The following NF1 variants were observed in gnomAD, a reference collection of about 807,000 sequenced individuals.
NF1 encodes the protein neurofibromin.
In NF1, 122 loss-of-function variants were observed where a neutral mutation model predicts 325.7. The ratio of observed to expected loss-of-function variants is 0.37; its 90% CI spans 0.32 to 0.44. The LOEUF is 0.44. Ranked by LOEUF, NF1 falls within the 20% of genes least tolerant of loss-of-function variation. The pLI, the probability that NF1 is intolerant of heterozygous loss-of-function variation, is 1.00. For missense variants in NF1, 2,140 were observed against 3,415.4 expected, an observed-to-expected ratio of 0.63 and a Z score of 9.31; for synonymous variants, 1,091 against 1,186.0, an observed-to-expected ratio of 0.92 and a Z score of 1.65.
rs1441261090 is a variant in NF1, at chr17:31,252,060, G to C, written c.4111-878G>C. 3.8e-5 allele frequency: 8 copies of C among 208,800 alleles called. No individual in the cohort carries two copies. The East Asian group carries it at 5.7e-4, about 15-fold the overall frequency. The allele number at this position is 208,800 out of a possible 1,614,324, so 12.9% of individuals were successfully genotyped here. On this transcript the variant is annotated intron_variant, in intron 30 of 57. Coordinates refer to ENST00000358273, the MANE Select transcript of NF1 (RefSeq NM_001042492.3). ...AATTTTGAAAGAAATCTTTGGTCTA[G>C]AAAGAGCTCTGAGAGATGAAACCAA... is the stretch of plus-strand genomic sequence containing the variant.
intron 36 of NF1, among the ~76,000 whole-genome samples, chr17:31,269,288 T>C: frequency 6.6e-6 from 1 of 152,206 alleles, no homozygotes; most frequent in East Asian, 1.9e-4. Flanking sequence ...TTTGGCCTAA[T>C]GTACTTTTCT....
At chr17:31,192,223 G>A (rs1035415655) in intron 8 of NF1, among the ~76,000 whole-genome samples, 30 of 152,308 alleles carry the variant, frequency 2.0e-4, no homozygotes, top group African/African-American at 7.2e-4. Flanking sequence ...GATTTATTCT[G>A]AACCAAATAC....
chr17:31,233,849 C>T (rs2067155695), intron 27 of NF1, among the ~76,000 whole-genome samples: 2 of 152,294 alleles, frequency 1.3e-5, no homozygotes, highest in South Asian at 2.1e-4. Flanking sequence ...ATAAGGTAAT[C>T]TGTCCTTGTT....
chr17:31,269,844 T>G (rs1011834680), intron 36 of NF1, among the ~76,000 whole-genome samples: 2 of 152,166 alleles, frequency 1.3e-5, no homozygotes, highest in African/African-American at 4.8e-5. Flanking sequence ...CCTAAGGCAG[T>G]CACTATGGCA....
Position 31,374,072 on chromosome 17 carries a change from A to T in NF1, c.8437A>T (p.Thr2813Ser), listed in dbSNP as rs1597883075. The T allele has an allele frequency of 6.2e-7, 1 of 1,614,084 alleles. No individual in the cohort carries two copies. The highest frequency in any genetic ancestry group is 1.3e-5 in the African/African-American group (1 of 75,050). ...PTTGHCNSGR[T>S]RHGSASQVQK... is the part of the protein sequence containing the mutation. The stretch of plus-strand genomic sequence containing the variant: ...CACTGGCCACTGTAACAGTGGACGA[A>T]CTCGCCACGGATCCGCAAGCCAAGT... The change falls in exon 58 of 58, where the codon ACT becomes TCT. Residue 2813 changes from threonine (T) to serine (S), a missense_variant. By Grantham distance (58) the Thr-to-Ser change is moderately conservative (BLOSUM62 1). Transcript: ENST00000358273.
At chr17:31,287,642 A>G (rs1433194233) in intron 36 of NF1, among the ~76,000 whole-genome samples, 1 of 151,644 alleles carries the variant, frequency 6.6e-6, no homozygotes, top group Non-Finnish European at 1.5e-5. Context: ...TCACTGCAAC[A>G]TCCGCCTCCT....
intron 29 of NF1, among the ~76,000 whole-genome samples, chr17:31,237,316 C>T (rs1250383665): frequency 6.6e-6 from 1 of 151,996 alleles, no homozygotes; most frequent in African/African-American, 2.4e-5. Flanking sequence ...ACTCTGTCAC[C>T]CAGGCTGGAG....
rs1567616150 is a variant in NF1, at chr17:31,335,286, A to AAT, written c.6006+255_6006+256insAT. On this transcript the variant is annotated intron_variant, in intron 40 of 57. Coordinates refer to ENST00000358273, the MANE Select transcript of NF1 (RefSeq NM_001042492.3). The stretch of plus-strand genomic sequence containing the variant: ...CTTCAAGGCATAATTATATATATAT[A>AAT]TATATATATAATTATGCCTTGAAGG... Among the ~76,000 whole-genome samples the AAT allele has an allele frequency of 1.6e-5, 2 of 127,480 alleles. 1 individual carries two copies. Among genetic ancestry groups the AAT allele is most frequent in the Non-Finnish European group, 3.2e-5 (2 of 61,650 alleles). The allele number at this position is 127,480 out of a possible 152,430, so 83.6% of individuals were successfully genotyped here.
chr17:31,337,968 A>G lies in NF1; in HGVS notation c.6705-57A>G, dbSNP rs777498834. ...TGTATGATCAATGTTATAATTTATT[A>G]TTTAGTATATATAAACACAAAGGTT... On this transcript the variant is annotated intron_variant, in intron 44 of 57. Coordinates refer to ENST00000358273, the MANE Select transcript of NF1 (RefSeq NM_001042492.3). 3 of 1,537,772 alleles carry G rather than the reference A, an allele frequency of 2.0e-6. No individual in the cohort carries two copies. In the South Asian group the frequency reaches 3.4e-5, roughly 17 times the overall value.
At chr17:31,222,939 C>T (rs1240661132) in intron 15 of NF1, among the ~76,000 whole-genome samples, 3 of 152,142 alleles carry the variant, frequency 2.0e-5, no homozygotes, top group Non-Finnish European at 4.4e-5. Context: ...GCTTGTGGGT[C>T]ATATAGTTTC....
At chr17:31,257,577 C>T (rs1252350908) in intron 31 of NF1, 2 of 152,220 alleles carry the variant, frequency 1.3e-5, no homozygotes, top group East Asian at 3.9e-4. Context: ...CATTGCTTTT[C>T]AGGCTGGACA....
chr17:31,270,281 A>C (rs1260428507), intron 36 of NF1, among the ~76,000 whole-genome samples: 1 of 152,234 alleles, frequency 6.6e-6, no homozygotes, highest in Non-Finnish European at 1.5e-5. Flanking sequence ...TGCCAGGAGC[A>C]TATATTGTTT....
chr17:31,101,876 T>C (rs761655804), intron 1 of NF1, among the ~76,000 whole-genome samples: 21 of 152,220 alleles, frequency 1.4e-4, no homozygotes, highest in Non-Finnish European at 3.1e-4. Context: ...TTCTTGTCTT[T>C]TTATCAAATG....
chr17:31,336,315 T>C lies in NF1; in HGVS notation c.6007-18T>C, dbSNP rs770210362. 6.2e-7 allele frequency: 1 copy of C among 1,613,198 alleles called. No homozygotes were observed. The highest frequency in any genetic ancestry group is 1.1e-5 in the South Asian group (1 of 91,030). ...TGGTAGAGTGATTAAAAACATGTTA[T>C]TTTCCTTCTTCAACTAGATTACAGA... is the stretch of plus-strand genomic sequence containing the variant. On this transcript the variant is annotated intron_variant, in intron 40 of 57. Transcript: ENST00000358273. The surrounding 1 kb of genome is among the most constrained non-coding windows in gnomAD (Gnocchi z 5.5).
chr17:31,149,579 CG>C (rs1567811503), intron 1 of NF1, among the ~76,000 whole-genome samples: 2 of 152,062 alleles, frequency 1.3e-5, no homozygotes, highest in Non-Finnish European at 2.9e-5. Context: ...TTCAGACCAG[CG>C]TTCATACTGT....
chr17:31,322,737 T>C (rs1342557230), intron 36 of NF1, among the ~76,000 whole-genome samples: 1 of 152,140 alleles, frequency 6.6e-6, no homozygotes, highest in East Asian at 1.9e-4. Flanking sequence ...TCTTCTTGTT[T>C]CTGTTCATGA....
intron 4 of NF1, among the ~76,000 whole-genome samples, chr17:31,165,309 A>AGACC (rs1418894978): frequency 6.6e-6 from 1 of 152,262 alleles, no homozygotes; most frequent in Non-Finnish European, 1.5e-5. Context: ...TTCAGAGGAC[A>AGACC]GACCACTCAG....
intron 36 of NF1, among the ~76,000 whole-genome samples, chr17:31,280,203 T>A (rs2068088913): frequency 6.6e-6 from 1 of 151,170 alleles, no homozygotes; most frequent in Non-Finnish European, 1.5e-5. Context: ...TATAAAGTTT[T>A]TTTTTAATTT....
intron 13 of NF1, among the ~76,000 whole-genome samples, chr17:31,215,081 A>G (rs2066797195): frequency 6.6e-6 from 1 of 152,156 alleles, no homozygotes; most frequent in African/African-American, 2.4e-5. Flanking sequence ...AATGAGGTGA[A>G]AATGGGTGTG....
Sources: allele counts gnomAD v4.1 joint callset (sites outside exome capture counted in the v4.1 genomes callset), GRCh38; gene constraint gnomAD v4.1.1; non-coding constraint Gnocchi (gnomAD v3.1); transcripts MANE v1.5; gene names NCBI Gene and HGNC (gene_info 2026-07-23, HGNC 2026-07-21).